KAZN: variants seen among roughly 807,000 people sequenced by gnomAD.
KAZN encodes kazrin.
A neutral mutation model predicts 87.4 loss-of-function variants in KAZN; 40 were observed. That is an observed-to-expected ratio of 0.46 (90% CI 0.36 to 0.60). KAZN has a LOEUF of 0.60. Ranked by LOEUF, KAZN falls within the 20% of genes least tolerant of loss-of-function variation. KAZN has a pLI of 0.00. For synonymous variants in KAZN, 466 were observed against 458.3 expected (o/e 1.02, Z -0.22); for missense variants, 898 against 1,073.9 (o/e 0.84, Z 2.29).
intron 1 of KAZN, among the ~76,000 whole-genome samples, chr1:14,819,645 C>G (rs1033393498): frequency 4.1e-4 from 63 of 151,904 alleles, no homozygotes; most frequent in African/African-American, 1.5e-3. Context: ...CCAGCCTGCC[C>G]TACACACTTC....
Position 14,994,528 on chromosome 1 carries a change from G to A in KAZN, c.418+33653G>A, listed in dbSNP as rs1211937541. ...CAGTTGAGCATTTCTCAGTGACTCC[G>A]GGTCACCCCGGGAATAGTCACCTTT... On this transcript the variant is annotated intron_variant, in intron 2 of 14. Transcript: ENST00000376030. 5.9e-5 allele frequency among the ~76,000 whole-genome samples: 9 copies of A among 152,348 alleles called. No individual in the cohort carries two copies. The East Asian group carries it at 1.5e-3, about 26-fold the overall frequency.
At chr1:14,180,698 T>C (rs1646179301) in intron 2 of KAZN, 3 of 813,542 alleles carry the variant, frequency 3.7e-6, no homozygotes, top group Non-Finnish European at 5.7e-6. Context: ...TTGAAACCTG[T>C]TTTTCTGATA....
intron 2 of KAZN, among the ~76,000 whole-genome samples, chr1:14,227,357 T>C (rs376346404): frequency 8.5e-4 from 129 of 152,216 alleles, no homozygotes; most frequent in African/African-American, 3.0e-3. Context: ...GTCTGGGGCC[T>C]CTTTGGGGAT....
rs12031369 is a variant in KAZN at position 13,932,386 on chromosome 1, G to A, written c.91+38630G>A. ...TGCCATTCTCCTGCCTCAGCCTCCC[G>A]AGTAGCTGGGACTACAGGCGCCCGC... On this transcript the variant is annotated intron_variant, in intron 1 of 16. Coordinates refer to the KAZN transcript ENST00000636203. Among the ~76,000 whole-genome samples the A allele has an allele frequency of 6.9e-3, 1,012 of 146,392 alleles. 4 individuals carry two copies. The highest frequency in any genetic ancestry group is 0.024 in the African/African-American group (927 of 38,268).
In KAZN at chr1:14,773,461, GAAACGT is replaced by G. The variant is rs1645078180; in HGVS notation, c.226+174243_226+174248del. Among the ~76,000 whole-genome samples the G allele has an allele frequency of 2.0e-5, 3 of 152,112 alleles. No homozygotes were observed. Among genetic ancestry groups the G allele is most frequent in the African/African-American group, 4.8e-5 (2 of 41,422 alleles). ...TCAAATCAACTCTGCACTAAGGTGT[GAAACGT>G]AAACACCCCCGAGGGAGGAAGGCCC... On this transcript the variant is annotated intron_variant, in intron 1 of 14. Coordinates refer to ENST00000376030, the MANE Select transcript of KAZN (RefSeq NM_201628.3). The surrounding 1 kb of genome is among the most constrained non-coding windows in gnomAD (Gnocchi z 5.9).
intron 2 of KAZN, among the ~76,000 whole-genome samples, chr1:14,439,113 A>G (rs2101437147): frequency 1.3e-5 from 2 of 152,282 alleles, no homozygotes; most frequent in East Asian, 3.9e-4. Flanking sequence ...CACACAAAAT[A>G]TCCAAAACTG....
chr1:13,935,862 ATGTGTGTGTGTGTGTGTG>A (rs143281844), intron 1 of KAZN, among the ~76,000 whole-genome samples: 1 of 124,158 alleles, frequency 8.1e-6, no homozygotes, highest in Non-Finnish European at 1.7e-5. Flanking sequence ...TTACATCCTA[ATGTGTGTGTGTGTGTGTG>A]TGTGTGTGTG....
chr1:15,102,849 C>T (rs1251800605), intron 11 of KAZN, among the ~76,000 whole-genome samples: 1 of 152,234 alleles, frequency 6.6e-6, no homozygotes, highest in Non-Finnish European at 1.5e-5. Flanking sequence ...GCGAGGACAG[C>T]AGCAGTGCCT....
At chr1:14,127,694 G>A (rs6658394) in intron 1 of KAZN, among the ~76,000 whole-genome samples, 86,595 of 151,700 alleles carry the variant, frequency 0.57, 25,941 homozygotes, top group East Asian at 0.76. Flanking sequence ...GAATGCATGG[G>A]GTTACGAGAG....
intron 1 of KAZN, among the ~76,000 whole-genome samples, chr1:14,661,022 G>T (rs899863578): frequency 6.6e-6 from 1 of 152,156 alleles, no homozygotes; most frequent in Non-Finnish European, 1.5e-5. Flanking sequence ...CCAGAGGAAA[G>T]AAGGAAGTAA....
intron 2 of KAZN, among the ~76,000 whole-genome samples, chr1:14,303,629 C>T (rs1654713695): frequency 6.6e-6 from 1 of 152,174 alleles, no homozygotes; most frequent in Non-Finnish European, 1.5e-5. Context: ...GTCCTCCAGG[C>T]TCTCAAATGT....
intron 1 of KAZN, among the ~76,000 whole-genome samples, chr1:14,034,557 C>T (rs752038209): frequency 1.3e-5 from 2 of 152,184 alleles, no homozygotes; most frequent in East Asian, 3.8e-4. Flanking sequence ...AGGCGTTTGC[C>T]ATTTGCACCC....
At chr1:14,043,199 A>G (rs952492504) in intron 1 of KAZN, among the ~76,000 whole-genome samples, 1 of 152,160 alleles carries the variant, frequency 6.6e-6, no homozygotes, top group Admixed American at 6.6e-5. Context: ...TATTTCACTT[A>G]ACATAACGTC....
chr1:14,833,856 A>G (rs1400939338), intron 1 of KAZN, among the ~76,000 whole-genome samples: 1 of 151,858 alleles, frequency 6.6e-6, no homozygotes, highest in African/African-American at 2.4e-5. Flanking sequence ...CGTTCAGTTC[A>G]TACAACCTGA....
chr1:13,901,547 C>G (rs1198900383), intron 1 of KAZN, among the ~76,000 whole-genome samples: 1 of 152,122 alleles, frequency 6.6e-6, no homozygotes, highest in Non-Finnish European at 1.5e-5. Context: ...ATTAAGCCCT[C>G]CAATTTGTGG....
chr1:15,099,407 G>A lies in KAZN; in HGVS notation c.1548-2136G>A, dbSNP rs1450340228. 6.6e-6 allele frequency among the ~76,000 whole-genome samples: 1 copy of A among 152,234 alleles called. No homozygotes were observed. Among genetic ancestry groups the A allele is most frequent in the East Asian group, 1.9e-4 (1 of 5,200 alleles). On this transcript the variant is annotated intron_variant, in intron 10 of 14. Coordinates refer to ENST00000376030, the MANE Select transcript of KAZN (RefSeq NM_201628.3). The surrounding 1 kb of genome is among the most constrained non-coding windows in gnomAD (Gnocchi z 5.4). ...AGGTTCAGTATGTGATTAGAGCTTTGAAGGAAAGCACTAGGGACAGTAAGC... is the reference window on the plus strand; with the variant it reads ...AGGTTCAGTATGTGATTAGAGCTTTAAAGGAAAGCACTAGGGACAGTAAGC...
At chr1:13,958,797 G>A (rs1043403793) in intron 1 of KAZN, among the ~76,000 whole-genome samples, 1 of 152,092 alleles carries the variant, frequency 6.6e-6, no homozygotes, top group Non-Finnish European at 1.5e-5. Context: ...TTTCAGAACA[G>A]AGAGGAGACC....
At position 14,773,192 on chromosome 1, in the gene KAZN, A is replaced by G. The variant is rs1186726465; in HGVS notation, c.226+173969A>G. On this transcript the variant is annotated intron_variant, in intron 1 of 14. Transcript: ENST00000376030. This position sits in a 1 kb window ranked among gnomAD's most constrained non-coding sequence, Gnocchi z 5.9. ...CCTGCTCCTTTTGGAGCCTTTCACAATTATCTTCAGGACAAAGACGGCCCC... is the reference window on the plus strand; with the variant it reads ...CCTGCTCCTTTTGGAGCCTTTCACAGTTATCTTCAGGACAAAGACGGCCCC... Among the ~76,000 whole-genome samples the G allele has an allele frequency of 6.6e-6, 1 of 152,104 alleles. No homozygotes were observed. Among genetic ancestry groups the G allele is most frequent in the Non-Finnish European group, 1.5e-5 (1 of 68,016 alleles).
At chr1:14,662,399 C>T (rs1365370514) in intron 1 of KAZN, among the ~76,000 whole-genome samples, 1 of 152,108 alleles carries the variant, frequency 6.6e-6, no homozygotes, top group East Asian at 1.9e-4. Flanking sequence ...TGAAGCTTCT[C>T]ACTTCCAGTC....
Sources: gnomAD v4.1 joint callset for allele counts (sites outside exome capture counted in the v4.1 genomes callset) on GRCh38, gnomAD v4.1.1 for gene constraint, Gnocchi (gnomAD v3.1) non-coding constraint, MANE v1.5 for transcripts, NCBI Gene and HGNC (gene_info 2026-07-23, HGNC 2026-07-21) for gene names.